Variants in LRPPRC observed in about 807,000 individuals in gnomAD.
LRPPRC encodes leucine-rich PPR motif-containing protein, mitochondrial.
In LRPPRC, 120 loss-of-function variants were observed where a neutral mutation model predicts 180.3. The ratio of observed to expected loss-of-function variants is 0.67; its 90% CI spans 0.57 to 0.77. The LOEUF is 0.77. Among genes scored for constraint, LRPPRC ranks in the 30% least tolerant of loss-of-function variants. The probability of loss-of-function intolerance (pLI) is 0.00; values close to 1 mark genes in which losing one functional copy is unlikely to be tolerated. For synonymous variants in LRPPRC, 723 were observed against 600.0 expected, an observed-to-expected ratio of 1.21 and a Z score of -3.00; for missense variants, 2,012 against 1,657.2, an observed-to-expected ratio of 1.21 and a Z score of -3.72.
At chr2:43,986,291 G>A (rs574402262) in intron 1 of LRPPRC, among the ~76,000 whole-genome samples, 7 of 151,954 alleles carry the variant, frequency 4.6e-5, no homozygotes, top group South Asian at 2.1e-4. Flanking sequence ...CACCATGCCC[G>A]ACTAATTTTT....
chr2:43,966,982 C>G (rs557684659), intron 11 of LRPPRC, among the ~76,000 whole-genome samples: 18 of 152,156 alleles, frequency 1.2e-4, no homozygotes, highest in African/African-American at 4.3e-4. Context: ...ACCCAGAGGG[C>G]AGAAGTTGCA....
intron 12 of LRPPRC, among the ~76,000 whole-genome samples, chr2:43,961,131 G>A (rs1673330715): frequency 1.3e-5 from 2 of 151,732 alleles, no homozygotes; most frequent in South Asian, 4.2e-4. Context: ...CAATAAGCAA[G>A]GATAAAAAAT....
intron 13 of LRPPRC, among the ~76,000 whole-genome samples, chr2:43,958,408 G>T (rs999274675): frequency 7.9e-5 from 12 of 152,126 alleles, no homozygotes; most frequent in Admixed American, 2.6e-4. Flanking sequence ...AAAATCCCAT[G>T]GGAAAAGTCA....
chr2:43,959,334 C>T, intron 13 of LRPPRC: 1 of 632,560 alleles, frequency 1.6e-6, no homozygotes. Context: ...ATACTGGACA[C>T]TTTGCCTTTC....
chr2:43,982,234 A>G lies in LRPPRC; in HGVS notation c.346+4T>C. Reference sequence around the variant, plus strand: ...AACTTTATGAACAGGAAATTTTGAAATACCTGAGCGGCAGGTATCATTAAA... The same window carrying G: ...AACTTTATGAACAGGAAATTTTGAAGTACCTGAGCGGCAGGTATCATTAAA... On this transcript the variant is annotated splice_donor_region_variant and intron_variant, in intron 2 of 37. Coordinates refer to ENST00000260665, the MANE Select transcript of LRPPRC (RefSeq NM_133259.4). The G allele has an allele frequency of 6.4e-7, 1 of 1,553,418 alleles. No individual in the cohort carries two copies. Among genetic ancestry groups the G allele is most frequent in the Non-Finnish European group, 8.7e-7 (1 of 1,153,844 alleles).
At chr2:43,906,691 C>A (rs1431951481) in intron 30 of LRPPRC, among the ~76,000 whole-genome samples, 1 of 152,136 alleles carries the variant, frequency 6.6e-6, no homozygotes, top group Non-Finnish European at 1.5e-5. Flanking sequence ...GCATGCCCTG[C>A]CAACACGGAC....
Position 43,888,496 on chromosome 2 carries a change from T to A in LRPPRC, c.*104A>T, listed in dbSNP as rs1670350836. 1 of 744,086 alleles carries A rather than the reference T, an allele frequency of 1.3e-6. No individual in the cohort carries two copies. Among genetic ancestry groups the A allele is most frequent in the Non-Finnish European group, 2.4e-6 (1 of 416,612 alleles). 46.1% of individuals were successfully genotyped at this position (744,086 alleles called of 1,614,324 possible). ...TGAACATGCATCACACATACATAAGTACATAAAGAAAATTTTCATTTATTT... is the reference window on the plus strand; with the variant it reads ...TGAACATGCATCACACATACATAAGAACATAAAGAAAATTTTCATTTATTT... On this transcript the variant is annotated 3_prime_UTR_variant, in exon 38 of 38. Coordinates refer to ENST00000260665, the MANE Select transcript of LRPPRC (RefSeq NM_133259.4).
chr2:43,920,379 A>C (rs1671656597), intron 27 of LRPPRC, among the ~76,000 whole-genome samples: 1 of 152,126 alleles, frequency 6.6e-6, no homozygotes, highest in South Asian at 2.1e-4. Context: ...CAAGCAATTC[A>C]CTGGCCTTGG....
chr2:43,962,718 G>A (rs1361548219), intron 12 of LRPPRC, among the ~76,000 whole-genome samples: 2 of 152,060 alleles, frequency 1.3e-5, no homozygotes, highest in African/African-American at 4.8e-5. Context: ...ACAAAGGTTT[G>A]AAGTTTAAAA....
chr2:43,990,907 G>A (rs1468201202), intron 1 of LRPPRC, among the ~76,000 whole-genome samples: 4 of 150,172 alleles, frequency 2.7e-5, no homozygotes, highest in African/African-American at 4.9e-5. Context: ...GTGCAATGGC[G>A]TGATCTCGGC....
chr2:43,937,656 A>G (rs1195303219), intron 23 of LRPPRC, among the ~76,000 whole-genome samples: 1 of 152,202 alleles, frequency 6.6e-6, no homozygotes, highest in Non-Finnish European at 1.5e-5. Flanking sequence ...AGAAGTGGTG[A>G]TGAAAAGCAA....
chr2:43,990,755 T>G (rs1024743653), intron 1 of LRPPRC, among the ~76,000 whole-genome samples: 1 of 152,132 alleles, frequency 6.6e-6, no homozygotes, highest in African/African-American at 2.4e-5. Flanking sequence ...TACATGTGCC[T>G]GTCTAGCCCT....
At position 43,979,727 on chromosome 2, in the gene LRPPRC, A is replaced by G. The variant is rs566065258; in HGVS notation, c.469+99T>C. On this transcript the variant is annotated intron_variant, in intron 3 of 37. Coordinates refer to ENST00000260665, the MANE Select transcript of LRPPRC (RefSeq NM_133259.4). Reference sequence around the variant, plus strand: ...AAATTATGAATCAAGTAGCCCTTCCATAAAACTGAATTACAGCATTTATGT... The same window carrying G: ...AAATTATGAATCAAGTAGCCCTTCCGTAAAACTGAATTACAGCATTTATGT... 10 of 1,065,496 alleles carry G rather than the reference A, an allele frequency of 9.4e-6. No individual in the cohort carries two copies. In the East Asian group the frequency reaches 2.2e-4, roughly 24 times the overall value. 66.0% of individuals were successfully genotyped at this position (1,065,496 alleles called of 1,614,324 possible). A position where few individuals can be genotyped will look rare whatever the true frequency, so the allele number is the denominator to read the frequency against.
chr2:43,899,173 C>G, intron 34 of LRPPRC, 46 bp downstream of exon 34: 1 of 1,332,690 alleles, frequency 7.5e-7, no homozygotes, highest in Non-Finnish European at 1.1e-6. Context: ...CAATTTACTT[C>G]TTGCAAGCCT....
At chr2:43,943,941 A>T (rs1268610412) in intron 22 of LRPPRC, 47 bp from the exon 23 acceptor site, 1 of 1,336,842 alleles carries the variant, frequency 7.5e-7, no homozygotes, top group African/African-American at 1.4e-5. Context: ...TCATGTAGGG[A>T]AAACAAACTG....
intron 1 of LRPPRC, among the ~76,000 whole-genome samples, chr2:43,988,046 G>A (rs13025206): frequency 0.36 from 55,152 of 151,782 alleles, 11,806 homozygotes; most frequent in Non-Finnish European, 0.49. Flanking sequence ...TTCGAGACCA[G>A]CCCGGCCAAC....
At chr2:43,945,287 G>T in intron 22 of LRPPRC, 45 bp downstream of exon 22, 1 of 1,230,546 alleles carries the variant, frequency 8.1e-7, no homozygotes, top group Non-Finnish European at 1.2e-6. Context: ...TATTCCAGTG[G>T]CAAGATACTT....
chr2:43,934,224 G>T lies in LRPPRC; in HGVS notation c.2702C>A (p.Thr901Lys). The T allele has an allele frequency of 6.2e-7, 1 of 1,611,146 alleles. No homozygotes were observed. The highest frequency in any genetic ancestry group is 2.2e-5 in the East Asian group (1 of 44,768). Reference sequence around the variant, plus strand: ...CTTCTTGGCCTCTTTGTAATTTCCTGTTTGTAGGAAGGCAAAGAAGAGATC... The same window carrying T: ...CTTCTTGGCCTCTTTGTAATTTCCTTTTTGTAGGAAGGCAAAGAAGAGATC... ...LYDLFFAFLQ[T>K]GNYKEAKKII... Residue 901 changes from threonine to lysine, a missense_variant, in exon 25 of 38, where the codon ACA becomes AAA. Thr to Lys is a moderately conservative substitution (Grantham distance 78). Transcript: ENST00000260665.
At chr2:43,980,478 A>G (rs1266118142) in intron 2 of LRPPRC, among the ~76,000 whole-genome samples, 1 of 149,602 alleles carries the variant, frequency 6.7e-6, no homozygotes, top group Non-Finnish European at 1.5e-5. Context: ...GCTTGAACCC[A>G]GGAGGTGGAG....
Sources: gnomAD v4.1 joint callset for allele counts (sites outside exome capture counted in the v4.1 genomes callset) on GRCh38, gnomAD v4.1.1 for gene constraint, MANE v1.5 for transcripts, NCBI Gene and HGNC (gene_info 2026-07-23, HGNC 2026-07-21) for gene names.